Variants in PCBP2 observed in about 807,000 individuals in gnomAD.
PCBP2 encodes poly(rC) binding protein 2.
PCBP2 carries 4 observed loss-of-function variants against 50.1 expected under a neutral mutation model. The ratio of observed to expected loss-of-function variants is 0.08; its 90% CI spans 0.04 to 0.18. The LOEUF is 0.18. Ranked by LOEUF, PCBP2 falls within the 10% of genes least tolerant of loss-of-function variation. The probability of loss-of-function intolerance (pLI) is 1.00; values close to 1 mark genes in which losing one functional copy is unlikely to be tolerated. For missense variants in PCBP2, 161 were observed against 474.3 expected (o/e 0.34, Z 6.14); for synonymous variants, 179 against 168.0 (o/e 1.07, Z -0.51).
intron 6 of PCBP2, chr12:53,459,682 T>C (rs1941302157): frequency 3.8e-6 from 1 of 264,002 alleles, no homozygotes; most frequent in Admixed American, 4.8e-5. Context: ...TCCATGAGGC[T>C]ACATAGTTCT....
intron 13 of PCBP2, 51 bp downstream of exon 13, chr12:53,468,883 G>C: frequency 8.5e-7 from 1 of 1,179,062 alleles, no homozygotes; most frequent in Non-Finnish European, 1.3e-6. Context: ...AGACTGTAAA[G>C]AAATAGATGT....
At chr12:53,473,449 A>G (rs1942368859) in intron 14 of PCBP2, among the ~76,000 whole-genome samples, 2 of 152,232 alleles carry the variant, frequency 1.3e-5, no homozygotes, top group South Asian at 4.1e-4. Flanking sequence ...GGCAAGAATC[A>G]GGTTTTTGAA....
intron 9 of PCBP2, 190 bp downstream of exon 9, chr12:53,465,042 C>T: frequency 2.0e-5 from 8 of 391,220 alleles, no homozygotes; most frequent in Non-Finnish European, 3.4e-5. Context: ...GTAACACCAA[C>T]TTTTTTTTTT....
intron 8 of PCBP2, among the ~76,000 whole-genome samples, chr12:53,463,543 C>G (rs56810235): frequency 3.9e-5 from 6 of 152,004 alleles, no homozygotes; most frequent in Non-Finnish European, 8.8e-5. Context: ...TTATAAGTAA[C>G]CTAGAGATGA....
chr12:53,453,695 C>T (rs1249424649), intron 1 of PCBP2, among the ~76,000 whole-genome samples: 1 of 152,148 alleles, frequency 6.6e-6, no homozygotes, highest in African/African-American at 2.4e-5. Context: ...TGGGGACATT[C>T]TACAACTTGG....
Position 53,452,160 on chromosome 12 carries a change from C to A in PCBP2, c.-292C>A. On this transcript the variant is annotated 5_prime_UTR_variant, in exon 1 of 15. Coordinates refer to ENST00000546463, the MANE Select transcript of PCBP2 (RefSeq NM_031989.5). The stretch of plus-strand genomic sequence containing the variant: ...GCAGCCTGCGCCCTCTCCCGCCCGC[C>A]CGCCCTCCGCCCGCCCGCCCGCCCT... 1 of 137,202 alleles carries A rather than the reference C, an allele frequency of 7.3e-6. No homozygotes were observed. The highest frequency in any genetic ancestry group is 2.3e-4 in the South Asian group (1 of 4,364). 8.5% of individuals were successfully genotyped at this position (137,202 alleles called of 1,614,324 possible).
chr12:53,478,255 C>T (rs555049337), intron 14 of PCBP2, among the ~76,000 whole-genome samples: 61 of 152,170 alleles, frequency 4.0e-4, no homozygotes, highest in African/African-American at 1.4e-3. Context: ...CATGCCTAAT[C>T]CTAGCACTTT....
chr12:53,469,736 A>G (rs985349195), intron 13 of PCBP2, among the ~76,000 whole-genome samples: 9 of 151,270 alleles, frequency 5.9e-5, no homozygotes, highest in Admixed American at 5.3e-4. Flanking sequence ...TCAAAAAAGG[A>G]AAGAAATTCC....
chr12:53,471,560 T>TGGGGTGGG (rs2137101114), intron 13 of PCBP2, 78 bp from the exon 14 acceptor site: 2 of 1,153,318 alleles, frequency 1.7e-6, no homozygotes, highest in Admixed American at 7.7e-5. Context: ...TCGTAGGATT[T>TGGGGTGGG]GGGGTGGGGG....
Position 53,452,155 on chromosome 12 carries a change from CCCGCCCGCCCT to C in PCBP2, c.-286_-276del, listed in dbSNP as rs886754270. The C allele has an allele frequency of 7.6e-5, 10 of 131,188 alleles. No individual in the cohort carries two copies. The highest frequency in any genetic ancestry group is 3.1e-4 in the South Asian group (1 of 3,216). The allele number at this position is 131,188 out of a possible 1,614,324, so 8.1% of individuals were successfully genotyped here. On this transcript the variant is annotated 5_prime_UTR_variant, in exon 1 of 15. Coordinates refer to ENST00000546463, the MANE Select transcript of PCBP2 (RefSeq NM_031989.5). ...CAGCCGCAGCCTGCGCCCTCTCCCG[CCCGCCCGCCCT>C]CCGCCCGCCCGCCCGCCCTCCGCCG...
At chr12:53,463,099 C>T (rs760028955) in intron 8 of PCBP2, among the ~76,000 whole-genome samples, 1 of 152,114 alleles carries the variant, frequency 6.6e-6, no homozygotes, top group Non-Finnish European at 1.5e-5. Flanking sequence ...ACCCACATGG[C>T]ATAACTGAAA....
In PCBP2 at chr12:53,480,718, C is replaced by T. The variant is rs576783223; in HGVS notation, c.*1276C>T. On this transcript the variant is annotated 3_prime_UTR_variant, in exon 15 of 15. Coordinates refer to ENST00000546463, the MANE Select transcript of PCBP2 (RefSeq NM_031989.5). Reference sequence around the variant, plus strand: ...ACAAAAAAATGAGTTACATTGCCACCTGAGAAACCTCAGAGGGGAGGACCC... The same window carrying T: ...ACAAAAAAATGAGTTACATTGCCACTTGAGAAACCTCAGAGGGGAGGACCC... 2.0e-5 allele frequency: 3 copies of T among 152,598 alleles called. No homozygotes were observed. Among genetic ancestry groups the T allele is most frequent in the African/African-American group, 7.2e-5 (3 of 41,418 alleles). 9.5% of individuals were successfully genotyped at this position (152,598 alleles called of 1,614,324 possible). A position where few individuals can be genotyped will look rare whatever the true frequency, so the allele number is the denominator to read the frequency against.
Position 53,462,323 on chromosome 12 carries a change from A to T in PCBP2, c.505-170A>T, listed in dbSNP as rs538055850. ...CTTGGACTTACTGCATTAAAGGCAA[A>T]TAACTTTCAGTAGATAAATTGAGAT... is the stretch of plus-strand genomic sequence containing the variant. On this transcript the variant is annotated intron_variant, in intron 7 of 14. Transcript: ENST00000546463. Among the ~76,000 whole-genome samples, 3 of 152,352 alleles carry T rather than the reference A, an allele frequency of 2.0e-5. No individual in the cohort carries two copies. The East Asian group carries it at 5.8e-4, about 29-fold the overall frequency.
intron 13 of PCBP2, among the ~76,000 whole-genome samples, chr12:53,470,950 CT>C (rs1226203195): frequency 6.6e-6 from 1 of 151,908 alleles, no homozygotes; most frequent in African/African-American, 2.4e-5. Context: ...TCTGCTTTGT[CT>C]TTGGAAGTAA....
chr12:53,471,943 A>G, intron 14 of PCBP2, 136 bp downstream of exon 14: 1 of 543,808 alleles, frequency 1.8e-6, no homozygotes, highest in East Asian at 3.8e-5. Flanking sequence ...TTTTTTTGCT[A>G]GCTCTACTTT....
intron 13 of PCBP2, 50 bp downstream of exon 13, chr12:53,468,882 A>C: frequency 7.4e-7 from 1 of 1,351,414 alleles, no homozygotes; most frequent in East Asian, 2.3e-5. Context: ...TAGACTGTAA[A>C]GAAATAGATG....
chr12:53,470,658 T>C (rs11833465), intron 13 of PCBP2, among the ~76,000 whole-genome samples: 22 of 151,850 alleles, frequency 1.4e-4, no homozygotes, highest in Admixed American at 4.6e-4. Flanking sequence ...CCTACAGGCA[T>C]GAGCCACGGT....
At chr12:53,459,181 G>T in intron 5 of PCBP2, 91 bp from the exon 6 acceptor site, 1 of 1,145,568 alleles carries the variant, frequency 8.7e-7, no homozygotes, top group Non-Finnish European at 1.2e-6. Context: ...GTCCTAATAA[G>T]ATCACTTACC....
chr12:53,458,405 A>G (rs1156753731), intron 5 of PCBP2, among the ~76,000 whole-genome samples: 8 of 151,904 alleles, frequency 5.3e-5, no homozygotes, highest in Non-Finnish European at 1.2e-4. Flanking sequence ...TCCCGGATTC[A>G]AGCGATTCTC....
Sources: allele counts gnomAD v4.1 joint callset (sites outside exome capture counted in the v4.1 genomes callset), GRCh38; gene constraint gnomAD v4.1.1; transcripts MANE v1.5; gene names NCBI Gene and HGNC (gene_info 2026-07-23, HGNC 2026-07-21).